The following ITSN1 variants were observed in gnomAD, a reference collection of about 807,000 sequenced individuals.
ITSN1 encodes the protein intersectin-1.
Under a neutral mutation model 239.8 loss-of-function variants are expected in ITSN1, and 58 were observed. The observed-to-expected ratio is 0.24, with a 90% confidence interval of 0.20 to 0.30. The LOEUF (loss-of-function observed/expected upper bound fraction) is 0.30. Among genes scored for constraint, ITSN1 ranks in the 10% least tolerant of loss-of-function variants. The probability of loss-of-function intolerance (pLI) is 1.00; values close to 1 mark genes in which losing one functional copy is unlikely to be tolerated. For missense variants in ITSN1, 1,558 were observed against 2,103.3 expected, an observed-to-expected ratio of 0.74 and a Z score of 5.07; for synonymous variants, 780 against 770.8, an observed-to-expected ratio of 1.01 and a Z score of -0.20.
rs1602536185 is a variant in ITSN1, at chr21:33,836,540, C to T, written c.3569C>T (p.Pro1190Leu). The T allele has an allele frequency of 1.1e-5, 18 of 1,613,850 alleles. No homozygotes were observed. Among genetic ancestry groups the T allele is most frequent in the Non-Finnish European group, 1.5e-5 (18 of 1,179,892 alleles). ...ATCAACGTCCTCAACAAGGAGGACC[C>T]TGACTGGTGGAAAGGAGAAGTCAAT... ...QIINVLNKED[P>L]DWWKGEVNGQ... Residue 1190 changes from proline to leucine, a missense_variant, in exon 29 of 40, where the codon CCT (proline) becomes CTT (leucine). Transcript: ENST00000381318.
intron 33 of ITSN1, among the ~76,000 whole-genome samples, chr21:33,871,429 CAAAAAAACAAAA>C (rs1192514324): frequency 1.2e-5 from 1 of 80,866 alleles, no homozygotes; most frequent in Non-Finnish European, 2.2e-5. Flanking sequence ...AACTCTGTCT[CAAAAAAACAAAA>C]AAAAAAACAA....
At chr21:33,732,620 A>G (rs2066258014) in intron 4 of ITSN1, among the ~76,000 whole-genome samples, 1 of 152,216 alleles carries the variant, frequency 6.6e-6, no homozygotes, top group Admixed American at 6.5e-5. Flanking sequence ...TGGCCTAAAT[A>G]TTGGAAAAGA....
intron 29 of ITSN1, among the ~76,000 whole-genome samples, chr21:33,838,676 G>A (rs756070498): frequency 5.9e-5 from 9 of 152,008 alleles, no homozygotes; most frequent in Non-Finnish European, 1.2e-4. Flanking sequence ...CCCTCTCCCC[G>A]TGCTCTCCAC....
Position 33,867,252 on chromosome 21 carries a change from G to A in ITSN1, c.4094G>A (p.Arg1365Gln), listed in dbSNP as rs754793119. Residue 1365 changes from arginine (R) to glutamine (Q), a missense_variant, in exon 33 of 40, where the codon CGG becomes CAG. Around this residue, in one of 2 missense-constraint regions of ITSN1, gnomAD observed 576 missense variants for 893.3 expected, o/e 0.64. Transcript: ENST00000381318. ...EFVKRLAMDP[R>Q]CKGMPLSSFI... ...TTTCAGAGATTGGCAATGGATCCTCGGTGTAAAGGGATGCCACTCTCTAGT... is the reference window on the plus strand; with the variant it reads ...TTTCAGAGATTGGCAATGGATCCTCAGTGTAAAGGGATGCCACTCTCTAGT... The A allele has an allele frequency of 1.6e-5, 26 of 1,607,370 alleles. No homozygotes were observed. The East Asian group carries it at 3.3e-4, about 21-fold the overall frequency.
chr21:33,795,420 G>C (rs3787714), intron 17 of ITSN1, among the ~76,000 whole-genome samples: 15,680 of 152,210 alleles, frequency 0.1, 1,307 homozygotes, highest in East Asian at 0.41. Flanking sequence ...CTGCACTCCA[G>C]CCTGGCAACA....
chr21:33,772,872 C>T (rs1385490629), intron 12 of ITSN1, among the ~76,000 whole-genome samples: 1 of 151,972 alleles, frequency 6.6e-6, no homozygotes, highest in Non-Finnish European at 1.5e-5. Context: ...AGTGTTTTTC[C>T]AGACTGTTTT....
chr21:33,676,381 AAC>A (rs1254124242), intron 1 of ITSN1, among the ~76,000 whole-genome samples: 1 of 151,776 alleles, frequency 6.6e-6, no homozygotes, highest in Admixed American at 6.6e-5. Context: ...TTTCTTCTAC[AAC>A]ACTTTCTCTT....
intron 1 of ITSN1, among the ~76,000 whole-genome samples, chr21:33,686,411 A>T (rs1471232258): frequency 6.6e-6 from 1 of 151,942 alleles, no homozygotes; most frequent in Admixed American, 6.6e-5. Context: ...GAAATTTGTT[A>T]TCTTAAGTTT....
At chr21:33,859,628 T>A (rs1482166302) in intron 31 of ITSN1, among the ~76,000 whole-genome samples, 1 of 152,160 alleles carries the variant, frequency 6.6e-6, no homozygotes, top group Non-Finnish European at 1.5e-5. Flanking sequence ...CCATTCCTGA[T>A]CTTCATCCGT....
chr21:33,759,873 G>A (rs538382753), intron 8 of ITSN1, among the ~76,000 whole-genome samples: 1 of 152,302 alleles, frequency 6.6e-6, no homozygotes, highest in East Asian at 1.9e-4. Flanking sequence ...GCCAAGGCGG[G>A]TGGATCACGT....
intron 9 of ITSN1, among the ~76,000 whole-genome samples, chr21:33,762,991 C>A (rs955809367): frequency 1.3e-5 from 2 of 151,974 alleles, no homozygotes; most frequent in Non-Finnish European, 2.9e-5. Context: ...GTCATAACAG[C>A]AATAGCTCAC....
At chr21:33,819,778 C>A (rs1333156794) in intron 24 of ITSN1, among the ~76,000 whole-genome samples, 1 of 151,650 alleles carries the variant, frequency 6.6e-6, no homozygotes, top group South Asian at 2.1e-4. Context: ...GTCAGGAGAT[C>A]GAGACCATCC....
chr21:33,786,707 C>T (rs1053966318), intron 16 of ITSN1, among the ~76,000 whole-genome samples: 44 of 152,202 alleles, frequency 2.9e-4, no homozygotes, highest in Admixed American at 6.5e-5. Context: ...CAACACCCAA[C>T]GGAGCTAGAT....
chr21:33,666,879 G>T (rs1281237131), intron 1 of ITSN1, among the ~76,000 whole-genome samples: 1 of 152,200 alleles, frequency 6.6e-6, no homozygotes, highest in African/African-American at 2.4e-5. Context: ...ACAGCTCACT[G>T]CAGCCTCGAC....
intron 29 of ITSN1, among the ~76,000 whole-genome samples, chr21:33,847,603 T>G (rs1319722015): frequency 6.6e-6 from 1 of 152,042 alleles, no homozygotes; most frequent in African/African-American, 2.4e-5. Context: ...TGGGGGTCAG[T>G]GGTGGCAGCG....
intron 29 of ITSN1, among the ~76,000 whole-genome samples, chr21:33,849,050 G>A (rs1409593655): frequency 3.3e-5 from 5 of 152,126 alleles, no homozygotes; most frequent in South Asian, 2.1e-4. Flanking sequence ...AGACCAGCCC[G>A]GCCAACATGG....
At chr21:33,807,237 C>T (rs2072523474) in intron 20 of ITSN1, among the ~76,000 whole-genome samples, 1 of 152,222 alleles carries the variant, frequency 6.6e-6, no homozygotes, top group South Asian at 2.1e-4. Flanking sequence ...CCCCCTCCTT[C>T]ACTCCTAGGT....
intron 26 of ITSN1, chr21:33,829,389 A>AGG: frequency 1.9e-6 from 1 of 522,862 alleles, no homozygotes; most frequent in South Asian, 2.2e-5. Flanking sequence ...CGGGATGACA[A>AGG]GGGAGTCTGC....
intron 34 of ITSN1, among the ~76,000 whole-genome samples, chr21:33,877,677 C>A (rs1249378478): frequency 1.3e-5 from 2 of 152,032 alleles, no homozygotes; most frequent in Non-Finnish European, 2.9e-5. Context: ...GTTTCTGCAC[C>A]CTATGTAGTG....
Sources: gnomAD v4.1 joint callset for allele counts (sites outside exome capture counted in the v4.1 genomes callset) on GRCh38, gnomAD v4.1.1 for gene constraint, gnomAD v4.1.1 regional missense constraint, MANE v1.5 for transcripts, NCBI Gene and HGNC (gene_info 2026-07-23, HGNC 2026-07-21) for gene names.